Variants in CLSTN2 observed in about 807,000 individuals in gnomAD.
CLSTN2 encodes calsyntenin 2.
CLSTN2 carries 48 observed loss-of-function variants against 101.2 expected under a neutral mutation model. That is an observed-to-expected ratio of 0.47 (90% CI 0.38 to 0.60). The LOEUF (loss-of-function observed/expected upper bound fraction) is 0.60, where lower values mean the gene tolerates loss of function less well. Ranked by LOEUF, CLSTN2 falls within the 20% of genes least tolerant of loss-of-function variation. CLSTN2 has a pLI of 0.00. For missense variants in CLSTN2, 1,160 were observed against 1,238.2 expected (o/e 0.94, Z 0.95); for synonymous variants, 481 against 463.6 (o/e 1.04, Z -0.48).
At chr3:140,492,171 A>T (rs779052085) in intron 8 of CLSTN2, among the ~76,000 whole-genome samples, 96 of 152,292 alleles carry the variant, frequency 6.3e-4, no homozygotes, top group Non-Finnish European at 1.1e-3. Flanking sequence ...TTCAAAAGAG[A>T]TGATACCAGG....
chr3:140,478,367 GTAAA>G (rs1934032784), intron 8 of CLSTN2, among the ~76,000 whole-genome samples: 1 of 148,372 alleles, frequency 6.7e-6, no homozygotes, highest in African/African-American at 2.5e-5. Flanking sequence ...CCTTTAACAG[GTAAA>G]TAGTCTGTAC....
chr3:140,076,604 G>GA (rs2008493712), intron 1 of CLSTN2, among the ~76,000 whole-genome samples: 1 of 126,628 alleles, frequency 7.9e-6, no homozygotes, highest in Non-Finnish European at 1.6e-5. Flanking sequence ...TGTGGTCAAT[G>GA]ACTCCCCTCT....
At chr3:140,476,177 G>A (rs1044909925) in intron 8 of CLSTN2, among the ~76,000 whole-genome samples, 2 of 152,068 alleles carry the variant, frequency 1.3e-5, no homozygotes, top group African/African-American at 2.4e-5. Context: ...GATATGAAAG[G>A]GCAAAAAATT....
At chr3:139,973,593 G>GA (rs1034035184) in intron 1 of CLSTN2, among the ~76,000 whole-genome samples, 10 of 151,798 alleles carry the variant, frequency 6.6e-5, no homozygotes, top group African/African-American at 1.9e-4. Flanking sequence ...GCCTGGCTGG[G>GA]AAAAAATGGT....
intron 2 of CLSTN2, among the ~76,000 whole-genome samples, chr3:140,287,643 G>A (rs954311411): frequency 6.6e-6 from 1 of 152,028 alleles, no homozygotes; most frequent in African/African-American, 2.4e-5. Flanking sequence ...TTTTTCCTAA[G>A]GAAAATGGAA....
Position 140,420,902 on chromosome 3 carries a change from C to G in CLSTN2, c.638-223C>G, listed in dbSNP as rs899860182. Among the ~76,000 whole-genome samples, 6 of 31,204 alleles carry G rather than the reference C, an allele frequency of 1.9e-4. No individual in the cohort carries two copies. The South Asian group carries it at 3.3e-3, about 17-fold the overall frequency. 20.5% of individuals were successfully genotyped at this position (31,204 alleles called of 152,430 possible). On this transcript the variant is annotated intron_variant, in intron 4 of 16. Coordinates refer to ENST00000458420, the MANE Select transcript of CLSTN2 (RefSeq NM_022131.3). ...TCGAAATTCCCTGGCAGTCCTATTG[C>G]GCAGCTAGGTGGCTTCAGCCAGTGG...
intron 5 of CLSTN2, among the ~76,000 whole-genome samples, chr3:140,443,363 G>T (rs1336922246): frequency 6.6e-6 from 1 of 152,262 alleles, no homozygotes; most frequent in East Asian, 1.9e-4. Context: ...CTTTCCAGAA[G>T]TCTCTTAGAT....
intron 1 of CLSTN2, among the ~76,000 whole-genome samples, chr3:140,161,296 T>A (rs1315632546): frequency 6.6e-6 from 1 of 152,198 alleles, no homozygotes; most frequent in Non-Finnish European, 1.5e-5. Flanking sequence ...CAGAAGTTCC[T>A]CACAATGCTT....
rs537802525 is a variant in CLSTN2 at position 140,288,322 on chromosome 3, A to C, written c.232+112249A>C. ...AAGGAAGAAAGACCTGAAGAGAATAAGTGTCCGCTCTGGGTTATATGCCAG... is the reference window on the plus strand; with the variant it reads ...AAGGAAGAAAGACCTGAAGAGAATACGTGTCCGCTCTGGGTTATATGCCAG... On this transcript the variant is annotated intron_variant, in intron 2 of 16. Transcript: ENST00000458420. 8.6e-4 allele frequency among the ~76,000 whole-genome samples: 131 copies of C among 152,302 alleles called. 1 individual carries two copies. Among genetic ancestry groups the C allele is most frequent in the African/African-American group, 2.9e-3 (120 of 41,560 alleles).
chr3:140,364,027 T>C lies in CLSTN2; in HGVS notation c.233-39602T>C, dbSNP rs542768706. On this transcript the variant is annotated intron_variant, in intron 2 of 16. Transcript: ENST00000458420. Reference sequence around the variant, plus strand: ...TGGCCAGCACACACTCCCTGTGCGTTTAATCATCAGTAGGTGTTACTCTAA... The same window carrying C: ...TGGCCAGCACACACTCCCTGTGCGTCTAATCATCAGTAGGTGTTACTCTAA... Among the ~76,000 whole-genome samples the C allele has an allele frequency of 3.9e-5, 6 of 152,212 alleles. No homozygotes were observed. In the South Asian group the frequency reaches 8.3e-4, roughly 21 times the overall value.
intron 1 of CLSTN2, among the ~76,000 whole-genome samples, chr3:140,094,623 TA>T (rs1462600933): frequency 6.6e-6 from 1 of 152,142 alleles, no homozygotes; most frequent in Non-Finnish European, 1.5e-5. Context: ...CTTTCTAATT[TA>T]AAAATGTAAC....
intron 1 of CLSTN2, among the ~76,000 whole-genome samples, chr3:140,062,912 A>G (rs188620407): frequency 6.6e-6 from 1 of 152,322 alleles, no homozygotes; most frequent in East Asian, 1.9e-4. Flanking sequence ...AAAGATTCTT[A>G]ATCAGCAAAA....
At chr3:140,138,369 T>C (rs964729668) in intron 1 of CLSTN2, among the ~76,000 whole-genome samples, 1 of 152,208 alleles carries the variant, frequency 6.6e-6, no homozygotes. Context: ...TTTTACCTGC[T>C]GAACCAGGGC....
intron 2 of CLSTN2, among the ~76,000 whole-genome samples, chr3:140,279,685 C>T (rs936745988): frequency 1.3e-5 from 2 of 152,092 alleles, no homozygotes; most frequent in African/African-American, 2.4e-5. Context: ...GTCAGCAGCC[C>T]GCCTTCTATG....
At chr3:140,164,792 G>A (rs1399381547) in intron 1 of CLSTN2, among the ~76,000 whole-genome samples, 1 of 152,188 alleles carries the variant, frequency 6.6e-6, no homozygotes, top group Non-Finnish European at 1.5e-5. Context: ...TCCCAGGCTG[G>A]AGAAATTAGG....
chr3:140,133,126 C>T (rs57361533), intron 1 of CLSTN2, among the ~76,000 whole-genome samples: 3 of 152,108 alleles, frequency 2.0e-5, no homozygotes, highest in Non-Finnish European at 2.9e-5. Context: ...TAGCAGAAGT[C>T]GAAGTGGGTG....
At chr3:139,997,099 A>AT (rs903750397) in intron 1 of CLSTN2, among the ~76,000 whole-genome samples, 3 of 150,772 alleles carry the variant, frequency 2.0e-5, no homozygotes, top group African/African-American at 7.3e-5. Context: ...ACTGCTGCTG[A>AT]TTTTTCTATT....
intron 2 of CLSTN2, among the ~76,000 whole-genome samples, chr3:140,243,511 G>A (rs894743907): frequency 3.3e-5 from 5 of 152,202 alleles, no homozygotes; most frequent in African/African-American, 1.2e-4. Context: ...CCATGCTTGT[G>A]CACCTATGTG....
chr3:140,028,576 C>T (rs2007471520), intron 1 of CLSTN2, among the ~76,000 whole-genome samples: 1 of 152,092 alleles, frequency 6.6e-6, no homozygotes, highest in Admixed American at 6.6e-5. Context: ...GAATTTGGGG[C>T]AGAGAATGCA....
Sources: allele counts gnomAD v4.1 joint callset (sites outside exome capture counted in the v4.1 genomes callset), GRCh38; gene constraint gnomAD v4.1.1; transcripts MANE v1.5; gene names NCBI Gene and HGNC (gene_info 2026-07-23, HGNC 2026-07-21).